Variants in PDE2A observed in about 807,000 individuals in gnomAD.
The protein encoded by PDE2A is cGMP-dependent 3',5'-cyclic phosphodiesterase.
A neutral mutation model predicts 133.6 loss-of-function variants in PDE2A; 53 were observed. The observed-to-expected ratio is 0.40, with a 90% CI of 0.32 to 0.50. The LOEUF is 0.50. Among genes scored for constraint, PDE2A ranks in the 20% least tolerant of loss-of-function variants. The pLI is 0.73. For missense variants in PDE2A, 796 were observed against 1,232.4 expected (o/e 0.65, Z 5.30); for synonymous variants, 491 against 490.2 (o/e 1.00, Z -0.02).
chr11:72,633,497 G>C (rs341052), intron 2 of PDE2A, among the ~76,000 whole-genome samples: 65,565 of 152,092 alleles, frequency 0.43, 15,149 homozygotes, highest in Middle Eastern at 0.6. Context: ...GGTCCTAAGG[G>C]GCTTCCTGGA....
chr11:72,582,279 C>T, intron 21 of PDE2A, 165 bp downstream of exon 21: 1 of 704,502 alleles, frequency 1.4e-6, no homozygotes, highest in Non-Finnish European at 2.3e-6. Context: ...TGGGCAGGCC[C>T]TATGGCTTCC....
rs1855919875 is a variant in PDE2A at position 72,585,357 on chromosome 11, G to A, written c.1286+14C>T. 8.7e-6 allele frequency: 14 copies of A among 1,611,136 alleles called. No homozygotes were observed. Among genetic ancestry groups the A allele is most frequent in the Non-Finnish European group, 1.2e-5 (14 of 1,177,464 alleles). ...CAGCCTCTCTCGCCCTGTCCCCTGG[G>A]TAGAGTCACTCACATCTCTGCGTTG... is the stretch of plus-strand genomic sequence containing the variant. On this transcript the variant is annotated intron_variant, in intron 16 of 30. Coordinates refer to ENST00000334456, the MANE Select transcript of PDE2A (RefSeq NM_002599.5).
At chr11:72,663,313 C>T (rs1855127794) in intron 1 of PDE2A, among the ~76,000 whole-genome samples, 1 of 152,214 alleles carries the variant, frequency 6.6e-6, no homozygotes, top group Non-Finnish European at 1.5e-5. Context: ...GAATGACATT[C>T]TTCAGCAGCC....
rs1013563196 is a variant in PDE2A, at chr11:72,599,061, C to T, written c.324-1442G>A. On this transcript the variant is annotated intron_variant, in intron 4 of 30. Coordinates refer to ENST00000334456, the MANE Select transcript of PDE2A (RefSeq NM_002599.5). ...GGGTGACCCCTGGCCAAACCCTGCC[C>T]AGCTCCTTGGCCTCAGACAATCTGG... 8 of 984,340 alleles carry T rather than the reference C, an allele frequency of 8.1e-6. No homozygotes were observed. In the South Asian group the frequency reaches 2.8e-4, roughly 35 times the overall value. 61.0% of individuals were successfully genotyped at this position (984,340 alleles called of 1,614,324 possible). A position where few individuals can be genotyped will look rare whatever the true frequency, so the allele number is the denominator to read the frequency against.
chr11:72,633,266 C>T (rs902737197), intron 2 of PDE2A, among the ~76,000 whole-genome samples: 3 of 152,164 alleles, frequency 2.0e-5, no homozygotes, highest in Non-Finnish European at 4.4e-5. Flanking sequence ...GAAGACTCAG[C>T]CTCTCATCTG....
Position 72,590,593 on chromosome 11 carries a change from G to A in PDE2A, c.550-13C>T. 1.5e-6 allele frequency: 2 copies of A among 1,358,336 alleles called. No homozygotes were observed. The allele number at this position is 1,358,336 out of a possible 1,614,324, so 84.1% of individuals were successfully genotyped here. On this transcript the variant is annotated splice_polypyrimidine_tract_variant and intron_variant, in intron 7 of 30. Coordinates refer to ENST00000334456, the MANE Select transcript of PDE2A (RefSeq NM_002599.5). The surrounding 1 kb of genome is among the most constrained non-coding windows in gnomAD (Gnocchi z 4.8). ...GGGCGACCAGGGTCTGGGGCAGGCC[G>A]AGCGGTTAGCGCGCCGCTCGCCCCA...
chr11:72,591,351 G>A lies in PDE2A; in HGVS notation c.495C>T (p.His165=), dbSNP rs1238735772. The A allele has an allele frequency of 6.2e-6, 10 of 1,613,546 alleles. No individual in the cohort carries two copies. In the South Asian group the frequency reaches 1.1e-4, roughly 18 times the overall value. Residue 165 remains histidine (H), a synonymous_variant, in exon 7 of 31, where the codon CAC becomes CAT. Coordinates refer to ENST00000334456, the MANE Select transcript of PDE2A (RefSeq NM_002599.5). ...CCTCATTATCACTCAGCTGGCCACA[G>A]TGCACCTGGAGGGATGGGAGAAGGG... ...AGAVAAVILV[H]CGQLSDNEEW...
intron 1 of PDE2A, 150 bp from the exon 2 acceptor site, chr11:72,642,476 G>GCCCCGGCCCCT (rs1859002088): frequency 1.0e-5 from 7 of 668,350 alleles, no homozygotes; most frequent in Non-Finnish European, 1.2e-5. Context: ...CCCCGGCCCC[G>GCCCCGGCCCCT]CCCCGGCCCG....
At chr11:72,581,235 C>T in intron 23 of PDE2A, 122 bp downstream of exon 23, 3 of 1,036,006 alleles carry the variant, frequency 2.9e-6, no homozygotes, top group African/African-American at 1.6e-5. Flanking sequence ...CTCTAGTCCC[C>T]TGGGGCTAAG....
At position 72,613,098 on chromosome 11, in the gene PDE2A, C is replaced by A. The variant is rs545456955; in HGVS notation, c.145-4347G>T. On this transcript the variant is annotated intron_variant, in intron 2 of 30. Transcript: ENST00000334456. ...CCTTCCTGAGGGTTGGGGTCGCTGCCATAAGATCTTTCCTGTTTCATCTTC... is the reference window on the plus strand; with the variant it reads ...CCTTCCTGAGGGTTGGGGTCGCTGCAATAAGATCTTTCCTGTTTCATCTTC... 2.0e-5 allele frequency among the ~76,000 whole-genome samples: 3 copies of A among 152,286 alleles called. No individual in the cohort carries two copies. In the South Asian group the frequency reaches 6.2e-4, roughly 32 times the overall value.
rs563352413 is a variant in PDE2A, at chr11:72,613,917, C to T, written c.145-5166G>A. 1.4e-4 allele frequency among the ~76,000 whole-genome samples: 22 copies of T among 152,326 alleles called. No homozygotes were observed. The East Asian group carries it at 3.5e-3, about 24-fold the overall frequency. ...TCAAGAGCACAGGAGAACGTATCGA[C>T]CTCTGTGCCTAGCATGGGTCTGGCA... On this transcript the variant is annotated intron_variant, in intron 2 of 30. Transcript: ENST00000334456.
intron 2 of PDE2A, among the ~76,000 whole-genome samples, chr11:72,627,383 C>T (rs12099061): frequency 1.7e-3 from 260 of 152,274 alleles, no homozygotes; most frequent in African/African-American, 5.9e-3. Flanking sequence ...GAGACTGGCT[C>T]GGCCTGAGGT....
intron 2 of PDE2A, among the ~76,000 whole-genome samples, chr11:72,622,015 C>A (rs1857796919): frequency 6.6e-6 from 1 of 151,938 alleles, no homozygotes; most frequent in South Asian, 2.1e-4. Context: ...GCAAACAACC[C>A]AATGTTTTAA....
chr11:72,603,542 G>GCTGC (rs999858090), intron 4 of PDE2A, among the ~76,000 whole-genome samples: 6 of 152,182 alleles, frequency 3.9e-5, no homozygotes, highest in African/African-American at 1.4e-4. Context: ...GGCCTCCCAG[G>GCTGC]CTGCTCCGAG....
At chr11:72,644,091 C>T (rs1859062589) in intron 1 of PDE2A, among the ~76,000 whole-genome samples, 1 of 152,206 alleles carries the variant, frequency 6.6e-6, no homozygotes, top group Non-Finnish European at 1.5e-5. Context: ...ACCCCACCCC[C>T]AATACCCTCC....
intron 1 of PDE2A, among the ~76,000 whole-genome samples, chr11:72,662,598 A>G (rs185047133): frequency 1.3e-5 from 2 of 152,324 alleles, no homozygotes; most frequent in East Asian, 3.9e-4. Context: ...AGCCACAGGC[A>G]GCATGAGGCA....
chr11:72,655,523 G>A (rs188129747), intron 1 of PDE2A, among the ~76,000 whole-genome samples: 1 of 150,988 alleles, frequency 6.6e-6, no homozygotes, highest in African/African-American at 2.5e-5. Flanking sequence ...GTGTGTGTGT[G>A]CATGTGTGTG....
intron 1 of PDE2A, among the ~76,000 whole-genome samples, chr11:72,659,059 T>C (rs1221004784): frequency 6.6e-6 from 1 of 151,962 alleles, no homozygotes; most frequent in Non-Finnish European, 1.5e-5. Context: ...CAGGTGGATG[T>C]TATTGTGCCC....
chr11:72,656,957 T>G (rs1280587182), intron 1 of PDE2A, among the ~76,000 whole-genome samples: 1 of 152,078 alleles, frequency 6.6e-6, no homozygotes, highest in Non-Finnish European at 1.5e-5. Flanking sequence ...ATCCACTCTC[T>G]CCCAGTCCTT....
Sources: allele counts gnomAD v4.1 joint callset (sites outside exome capture counted in the v4.1 genomes callset), GRCh38; gene constraint gnomAD v4.1.1; non-coding constraint Gnocchi (gnomAD v3.1); transcripts MANE v1.5; gene names NCBI Gene and HGNC (gene_info 2026-07-23, HGNC 2026-07-21).